SORCS3: variants seen among roughly 807,000 people sequenced by gnomAD.
The protein encoded by SORCS3 is VPS10 domain-containing receptor SorCS3.
A neutral mutation model predicts 146.3 loss-of-function variants in SORCS3; 57 were observed. The observed-to-expected ratio is 0.39, with a 90% CI of 0.31 to 0.49. The LOEUF (loss-of-function observed/expected upper bound fraction) is 0.49. SORCS3 is among the 20% of genes least tolerant of loss of function. The pLI, the probability that SORCS3 is intolerant of heterozygous loss-of-function variation, is 0.92. For missense variants in SORCS3, 1,341 were observed against 1,575.5 expected, an observed-to-expected ratio of 0.85 and a Z score of 2.52; for synonymous variants, 653 against 618.5, an observed-to-expected ratio of 1.06 and a Z score of -0.83.
chr10:105,056,958 T>C (rs187145364), intron 5 of SORCS3, among the ~76,000 whole-genome samples: 59 of 152,324 alleles, frequency 3.9e-4, no homozygotes, highest in Non-Finnish European at 6.9e-4. Context: ...ACACCTAACA[T>C]TAACAGTTTG....
At chr10:104,993,023 A>C (rs2055003983) in intron 4 of SORCS3, among the ~76,000 whole-genome samples, 1 of 152,152 alleles carries the variant, frequency 6.6e-6, no homozygotes, top group Non-Finnish European at 1.5e-5. Context: ...TTATCGAGTG[A>C]TTTGAAAACA....
At chr10:104,648,281 A>G (rs1463843486) in intron 1 of SORCS3, among the ~76,000 whole-genome samples, 1 of 152,232 alleles carries the variant, frequency 6.6e-6, no homozygotes, top group East Asian at 1.9e-4. Context: ...GCTCAGACAG[A>G]AACATGGCAG....
chr10:104,968,797 C>T (rs2054841794), intron 3 of SORCS3, among the ~76,000 whole-genome samples: 1 of 152,188 alleles, frequency 6.6e-6, no homozygotes, highest in African/African-American at 2.4e-5. Context: ...GCTATCACAG[C>T]TTTAGCGAGA....
intron 2 of SORCS3, among the ~76,000 whole-genome samples, chr10:104,897,037 CTT>C (rs2018805159): frequency 6.6e-6 from 1 of 152,192 alleles, no homozygotes; most frequent in African/African-American, 2.4e-5. Context: ...TGGGCTCACT[CTT>C]TTGGGTGCTG....
chr10:105,010,546 C>T (rs915447312), intron 4 of SORCS3, among the ~76,000 whole-genome samples: 1 of 152,210 alleles, frequency 6.6e-6, no homozygotes, highest in Non-Finnish European at 1.5e-5. Flanking sequence ...AAGTTGTGCT[C>T]TAGCTAATAA....
At position 105,245,548 on chromosome 10, in the gene SORCS3, A is replaced by G; in HGVS notation, c.2875A>G (p.Ile959Val). 2 of 1,614,114 alleles carry G rather than the reference A, an allele frequency of 1.2e-6. No homozygotes were observed. The highest frequency in any genetic ancestry group is 1.7e-6 in the Non-Finnish European group (2 of 1,179,994). ...TTGTTACTTCTTCTTGTAGCCTCTC[A>G]TCACTTTGGACAGCAGCATTTCCTT... is the stretch of plus-strand genomic sequence containing the variant. Reference protein sequence around the residue: ...WWFGNSTKPLITLDSSISFTF... With the variant: ...WWFGNSTKPLVTLDSSISFTF... Residue 959 changes from isoleucine to valine, a missense_variant, in exon 21 of 27, where the codon ATC (isoleucine) becomes GTC (valine). Coordinates refer to ENST00000369701, the MANE Select transcript of SORCS3 (RefSeq NM_014978.3).
intron 17 of SORCS3, among the ~76,000 whole-genome samples, chr10:105,211,770 T>A (rs961103270): frequency 6.6e-6 from 1 of 152,242 alleles, no homozygotes; most frequent in East Asian, 1.9e-4. Context: ...CTCTTTCGCA[T>A]GCTTGAAAAA....
intron 3 of SORCS3, among the ~76,000 whole-genome samples, chr10:104,976,865 C>T (rs929916045): frequency 5.3e-5 from 8 of 151,560 alleles, no homozygotes; most frequent in African/African-American, 1.5e-4. Flanking sequence ...ACAATGAGAT[C>T]GCATGGACAC....
At chr10:105,252,971 T>A (rs1419310399) in intron 23 of SORCS3, 65 bp downstream of exon 23, 2 of 1,559,856 alleles carry the variant, frequency 1.3e-6, no homozygotes, top group Admixed American at 4.1e-5. Flanking sequence ...GGCACAAAGC[T>A]GTTTTCAGCC....
At chr10:104,726,193 A>G (rs1414106176) in intron 1 of SORCS3, among the ~76,000 whole-genome samples, 1 of 152,198 alleles carries the variant, frequency 6.6e-6, no homozygotes, top group East Asian at 1.9e-4. Flanking sequence ...CCAAGTGTTC[A>G]GTGGCTCTGA....
intron 1 of SORCS3, among the ~76,000 whole-genome samples, chr10:104,732,667 T>A (rs1276948668): frequency 6.6e-6 from 1 of 152,160 alleles, no homozygotes; most frequent in African/African-American, 2.4e-5. Flanking sequence ...AAAGCTTTTA[T>A]CTTGGGCTAA....
At chr10:105,252,620 T>G (rs2056907448) in intron 22 of SORCS3, among the ~76,000 whole-genome samples, 155 bp from the exon 23 acceptor site, 1 of 152,174 alleles carries the variant, frequency 6.6e-6, no homozygotes. Flanking sequence ...AGGGAAAAAC[T>G]GAAAGAAAGC....
intron 4 of SORCS3, among the ~76,000 whole-genome samples, chr10:104,978,086 T>A (rs2054911853): frequency 6.6e-6 from 1 of 152,140 alleles, no homozygotes; most frequent in Admixed American, 6.5e-5. Context: ...AAAACAACCC[T>A]GTGAAAGAAG....
chr10:104,717,318 G>A (rs1172473418), intron 1 of SORCS3, among the ~76,000 whole-genome samples: 11 of 142,392 alleles, frequency 7.7e-5, no homozygotes, highest in East Asian at 2.1e-4. Context: ...AAAAAAAAAA[G>A]GAAAAAGAAA....
At chr10:105,143,715 T>C (rs2056110829) in intron 8 of SORCS3, among the ~76,000 whole-genome samples, 1 of 152,198 alleles carries the variant, frequency 6.6e-6, no homozygotes, top group African/African-American at 2.4e-5. Context: ...CATAAGAGAC[T>C]ATTTAATTAT....
At chr10:104,979,812 G>T (rs1032977918) in intron 4 of SORCS3, among the ~76,000 whole-genome samples, 3 of 152,054 alleles carry the variant, frequency 2.0e-5, no homozygotes, top group African/African-American at 7.2e-5. Context: ...GACTTTAGAG[G>T]CTTAGTATAG....
intron 2 of SORCS3, among the ~76,000 whole-genome samples, chr10:104,849,667 A>G (rs2018253009): frequency 2.0e-5 from 3 of 152,314 alleles, no homozygotes; most frequent in South Asian, 4.1e-4. Flanking sequence ...TATCTCATAT[A>G]GGTTTTGTGG....
intron 1 of SORCS3, among the ~76,000 whole-genome samples, chr10:104,696,966 C>T (rs183389091): frequency 4.0e-5 from 6 of 149,644 alleles, no homozygotes; most frequent in Admixed American, 6.7e-5. Flanking sequence ...CAGGGACTGG[C>T]GGGTGGAGGA....
intron 1 of SORCS3, among the ~76,000 whole-genome samples, chr10:104,790,918 A>G (rs2017488953): frequency 5.3e-5 from 8 of 152,220 alleles, no homozygotes; most frequent in Admixed American, 5.2e-4. Flanking sequence ...GAGGTCCATG[A>G]CTACTTGAAC....
Sources: allele counts gnomAD v4.1 joint callset (sites outside exome capture counted in the v4.1 genomes callset), GRCh38; gene constraint gnomAD v4.1.1; transcripts MANE v1.5; gene names NCBI Gene and HGNC (gene_info 2026-07-23, HGNC 2026-07-21).